ATRNL1: variants seen among roughly 807,000 people sequenced by gnomAD.
The protein encoded by ATRNL1 is attractin like 1.
ATRNL1 carries 95 observed loss-of-function variants against 182.7 expected under a neutral mutation model. The observed-to-expected ratio is 0.52, with a 90% CI of 0.44 to 0.62. The LOEUF is 0.62. Ranked by LOEUF, ATRNL1 falls within the 20% of genes least tolerant of loss-of-function variation. The pLI is 0.00. For synonymous variants in ATRNL1, 576 were observed against 568.3 expected (o/e 1.01, Z -0.19); for missense variants, 1,471 against 1,679.5 (o/e 0.88, Z 2.17).
At chr10:115,124,123 T>A (rs992215613) in intron 3 of ATRNL1, among the ~76,000 whole-genome samples, 10 of 152,178 alleles carry the variant, frequency 6.6e-5, no homozygotes, top group Non-Finnish European at 1.5e-4. Flanking sequence ...GTGGAAATTT[T>A]GTCTTCCATG....
chr10:115,306,417 C>T (rs1554926199), intron 17 of ATRNL1, among the ~76,000 whole-genome samples: 1 of 152,060 alleles, frequency 6.6e-6, no homozygotes, highest in Admixed American at 6.6e-5. Flanking sequence ...TTTTATCCCC[C>T]CTTTGGGAGC....
At chr10:115,551,893 G>A (rs1853012774) in intron 26 of ATRNL1, among the ~76,000 whole-genome samples, 1 of 151,408 alleles carries the variant, frequency 6.6e-6, no homozygotes, top group African/African-American at 2.4e-5. Context: ...AAGAAATGGT[G>A]GGGGAGGTGG....
intron 21 of ATRNL1, among the ~76,000 whole-genome samples, chr10:115,437,981 A>G (rs1030032769): frequency 1.3e-5 from 2 of 152,010 alleles, no homozygotes; most frequent in Non-Finnish European, 2.9e-5. Flanking sequence ...GTTATATGGG[A>G]GATTACAACC....
At chr10:115,299,356 T>A (rs1319265133) in intron 15 of ATRNL1, among the ~76,000 whole-genome samples, 2 of 152,008 alleles carry the variant, frequency 1.3e-5, no homozygotes, top group Non-Finnish European at 2.9e-5. Flanking sequence ...TAAGAATAGT[T>A]ATGTAGTATT....
At chr10:115,649,229 A>C (rs1166670573) in intron 26 of ATRNL1, among the ~76,000 whole-genome samples, 1 of 152,116 alleles carries the variant, frequency 6.6e-6, no homozygotes, top group Non-Finnish European at 1.5e-5. Context: ...AAAATTTGCT[A>C]TTTGTATTTA....
At chr10:115,785,651 A>C (rs1384060923) in intron 27 of ATRNL1, among the ~76,000 whole-genome samples, 3 of 152,198 alleles carry the variant, frequency 2.0e-5, no homozygotes, top group African/African-American at 7.2e-5. Context: ...GTCCAGCTAC[A>C]ACCTTTGTGT....
At chr10:115,485,818 C>T (rs1554975013) in intron 24 of ATRNL1, among the ~76,000 whole-genome samples, 1 of 151,772 alleles carries the variant, frequency 6.6e-6, no homozygotes, top group Non-Finnish European at 1.5e-5. Context: ...TAGGTATACA[C>T]GTGCCATGGT....
At chr10:115,094,966 C>G (rs571246372) in intron 1 of ATRNL1, among the ~76,000 whole-genome samples, 1 of 152,124 alleles carries the variant, frequency 6.6e-6, no homozygotes, top group African/African-American at 2.4e-5. Context: ...ATCGCTTTGG[C>G]TTGTTTGAAG....
At chr10:115,259,373 A>G (rs1851300520) in intron 10 of ATRNL1, among the ~76,000 whole-genome samples, 1 of 149,936 alleles carries the variant, frequency 6.7e-6, no homozygotes, top group African/African-American at 2.5e-5. Context: ...TCAATCTCAG[A>G]CTGCCGTGCT....
At chr10:115,115,663 T>C (rs1310910700) in intron 1 of ATRNL1, among the ~76,000 whole-genome samples, 3 of 152,128 alleles carry the variant, frequency 2.0e-5, no homozygotes, top group Non-Finnish European at 4.4e-5. Flanking sequence ...ATAAAGACTA[T>C]CCCTGAGTGG....
intron 22 of ATRNL1, among the ~76,000 whole-genome samples, chr10:115,463,501 T>C (rs1262649076): frequency 1.3e-5 from 2 of 152,154 alleles, no homozygotes; most frequent in African/African-American, 2.4e-5. Flanking sequence ...ATTGACTTTT[T>C]ATTGTAGTAA....
chr10:115,936,893 A>G (rs1329688318), intron 28 of ATRNL1, among the ~76,000 whole-genome samples: 2 of 152,314 alleles, frequency 1.3e-5, no homozygotes, highest in African/African-American at 4.8e-5. Context: ...TGAGTTCCAA[A>G]TTTACTTAAC....
At chr10:115,308,164 A>G (rs1554926795) in intron 17 of ATRNL1, among the ~76,000 whole-genome samples, 1 of 152,132 alleles carries the variant, frequency 6.6e-6, no homozygotes, top group Non-Finnish European at 1.5e-5. Flanking sequence ...ATATTGTGAT[A>G]TCATTGTTTA....
At chr10:115,592,717 A>G (rs1592914483) in intron 26 of ATRNL1, among the ~76,000 whole-genome samples, 1 of 152,310 alleles carries the variant, frequency 6.6e-6, no homozygotes, top group South Asian at 2.1e-4. Context: ...ACTAGAAATC[A>G]TCTGTTTTAT....
intron 26 of ATRNL1, chr10:115,597,788 G>A: frequency 2.7e-6 from 1 of 365,288 alleles, no homozygotes; most frequent in South Asian, 2.0e-5. Context: ...GCCCACCTCG[G>A]CCTCCTAAAG....
At chr10:115,375,623 G>T (rs1173472598) in intron 19 of ATRNL1, among the ~76,000 whole-genome samples, 1 of 150,996 alleles carries the variant, frequency 6.6e-6, no homozygotes, top group Non-Finnish European at 1.5e-5. Context: ...TTTATCTTTT[G>T]TGCATGTACT....
chr10:115,685,932 C>T (rs903397896), intron 26 of ATRNL1, among the ~76,000 whole-genome samples: 4 of 151,478 alleles, frequency 2.6e-5, no homozygotes, highest in Non-Finnish European at 5.9e-5. Flanking sequence ...AGTTCTATTT[C>T]AAATAAAAAT....
chr10:115,430,084 A>G (rs1554963687), intron 21 of ATRNL1, among the ~76,000 whole-genome samples: 2 of 152,130 alleles, frequency 1.3e-5, no homozygotes, highest in Non-Finnish European at 2.9e-5. Context: ...AAACAACAAC[A>G]AAAAAGTTTT....
intron 28 of ATRNL1, among the ~76,000 whole-genome samples, chr10:115,876,546 T>A (rs1342957234): frequency 9.9e-5 from 15 of 152,190 alleles, no homozygotes; most frequent in Non-Finnish European, 7.4e-5. Flanking sequence ...TGTAATTGTG[T>A]TTCATATTTT....
Sources: allele counts gnomAD v4.1 joint callset (sites outside exome capture counted in the v4.1 genomes callset), GRCh38; gene constraint gnomAD v4.1.1; transcripts MANE v1.5; gene names NCBI Gene and HGNC (gene_info 2026-07-23, HGNC 2026-07-21).